The following FAF1 variants were observed in gnomAD, a reference collection of about 807,000 sequenced individuals.
FAF1 encodes the protein Fas associated factor 1, also known as FAS-associated factor 1.
Under a neutral mutation model 92.5 loss-of-function variants are expected in FAF1, and 25 were observed. The ratio of observed to expected loss-of-function variants is 0.27; its 90% CI spans 0.20 to 0.38. The LOEUF is 0.38. Ranked by LOEUF, FAF1 falls within the 10% of genes least tolerant of loss-of-function variation. FAF1 has a pLI of 1.00. For synonymous variants in FAF1, 234 were observed against 273.2 expected, an observed-to-expected ratio of 0.86 and a Z score of 1.42; for missense variants, 636 against 793.3, an observed-to-expected ratio of 0.80 and a Z score of 2.38.
intron 7 of FAF1, among the ~76,000 whole-genome samples, chr1:50,656,060 G>A (rs1347952421): frequency 2.0e-5 from 3 of 152,034 alleles, no homozygotes; most frequent in South Asian, 2.1e-4. Flanking sequence ...GGCCGGGGAC[G>A]GTGGCTCACA....
At chr1:50,607,246 G>A (rs140872808) in intron 8 of FAF1, among the ~76,000 whole-genome samples, 8 of 152,206 alleles carry the variant, frequency 5.3e-5, no homozygotes, top group Non-Finnish European at 8.8e-5. Flanking sequence ...TATGATTCCA[G>A]GTGTGTAAAT....
chr1:50,893,976 C>T (rs766692746), intron 1 of FAF1, among the ~76,000 whole-genome samples: 1 of 152,142 alleles, frequency 6.6e-6, no homozygotes, highest in Non-Finnish European at 1.5e-5. Context: ...GTAACCACCA[C>T]CACAGACCCA....
chr1:50,718,743 T>C (rs1569828724), intron 6 of FAF1, among the ~76,000 whole-genome samples: 1 of 152,252 alleles, frequency 6.6e-6, no homozygotes, highest in Non-Finnish European at 1.5e-5. Flanking sequence ...ATTAATACTT[T>C]ACCATTTATA....
At chr1:50,477,936 G>A (rs1646657961) in intron 17 of FAF1, among the ~76,000 whole-genome samples, 2 of 152,144 alleles carry the variant, frequency 1.3e-5, no homozygotes, top group Admixed American at 1.3e-4. Flanking sequence ...ATAAATGCTA[G>A]AAGAATATGA....
intron 4 of FAF1, among the ~76,000 whole-genome samples, chr1:50,755,501 C>T (rs938910942): frequency 6.6e-6 from 1 of 152,180 alleles, no homozygotes; most frequent in African/African-American, 2.4e-5. Flanking sequence ...GTGTCTGTGG[C>T]TTTTCCAGGT....
intron 8 of FAF1, among the ~76,000 whole-genome samples, chr1:50,624,448 A>G (rs966605184): frequency 6.6e-6 from 1 of 152,112 alleles, no homozygotes; most frequent in Non-Finnish European, 1.5e-5. Flanking sequence ...CGCCCGGCCA[A>G]CTTTCAAACT....
intron 7 of FAF1, among the ~76,000 whole-genome samples, chr1:50,694,500 T>C (rs891149942): frequency 2.6e-5 from 4 of 151,364 alleles, no homozygotes; most frequent in Admixed American, 1.3e-4. Context: ...ATTTTCTTTA[T>C]AAGTTTTCCT....
At chr1:50,530,567 T>C (rs1264154214) in intron 15 of FAF1, among the ~76,000 whole-genome samples, 2 of 152,036 alleles carry the variant, frequency 1.3e-5, no homozygotes, top group African/African-American at 2.4e-5. Flanking sequence ...AGCCTACTAT[T>C]TGATAGCACA....
At chr1:50,481,286 A>G (rs1646701242) in intron 17 of FAF1, among the ~76,000 whole-genome samples, 1 of 152,224 alleles carries the variant, frequency 6.6e-6, no homozygotes, top group African/African-American at 2.4e-5. Context: ...ATATTCACTC[A>G]CCACTTGCTC....
intron 15 of FAF1, among the ~76,000 whole-genome samples, chr1:50,527,209 T>C (rs769066488): frequency 7.2e-5 from 11 of 152,172 alleles, no homozygotes; most frequent in South Asian, 2.1e-4. Context: ...TGGTACCTCA[T>C]GCGGCTTTGA....
At chr1:50,504,830 T>C (rs1371160507) in intron 15 of FAF1, among the ~76,000 whole-genome samples, 1 of 152,196 alleles carries the variant, frequency 6.6e-6, no homozygotes, top group Non-Finnish European at 1.5e-5. Flanking sequence ...ACTTAGAACC[T>C]TGTTAACCAA....
At chr1:50,906,283 T>C (rs942131168) in intron 1 of FAF1, among the ~76,000 whole-genome samples, 1 of 152,112 alleles carries the variant, frequency 6.6e-6, no homozygotes, top group Non-Finnish European at 1.5e-5. Context: ...TTATTGTAGC[T>C]TTGTAGTATA....
chr1:50,552,665 T>G (rs1649367906), intron 13 of FAF1, among the ~76,000 whole-genome samples: 1 of 152,198 alleles, frequency 6.6e-6, no homozygotes, highest in Non-Finnish European at 1.5e-5. Flanking sequence ...TCATCAGACC[T>G]TTCTGAAGGA....
chr1:50,825,644 T>C (rs1644089883), intron 2 of FAF1, among the ~76,000 whole-genome samples: 1 of 151,990 alleles, frequency 6.6e-6, no homozygotes, highest in Admixed American at 6.5e-5. Flanking sequence ...TACTAAAGAA[T>C]ATAGAATACC....
intron 1 of FAF1, among the ~76,000 whole-genome samples, chr1:50,924,479 A>G (rs953275428): frequency 6.6e-6 from 1 of 152,356 alleles, no homozygotes; most frequent in South Asian, 2.1e-4. Flanking sequence ...TAAAATGACC[A>G]TACTACCCAA....
chr1:50,783,160 G>A (rs1056240687), intron 4 of FAF1, among the ~76,000 whole-genome samples: 1 of 152,074 alleles, frequency 6.6e-6, no homozygotes, highest in African/African-American at 2.4e-5. Context: ...AGACTGAATC[G>A]TGAAGAAACA....
intron 12 of FAF1, among the ~76,000 whole-genome samples, chr1:50,580,918 T>C (rs934700675): frequency 2.6e-5 from 4 of 152,092 alleles, no homozygotes; most frequent in East Asian, 1.9e-4. Flanking sequence ...ACTAGAGGCA[T>C]GCATCACCAG....
chr1:50,889,301 T>A (rs1459583431), intron 1 of FAF1, among the ~76,000 whole-genome samples: 6 of 152,208 alleles, frequency 3.9e-5, no homozygotes, highest in African/African-American at 1.4e-4. Context: ...TTTGCTGATC[T>A]TTTAAAAAAC....
chr1:50,802,581 G>A (rs1342374645), intron 2 of FAF1, among the ~76,000 whole-genome samples: 6 of 152,116 alleles, frequency 3.9e-5, no homozygotes, highest in Non-Finnish European at 8.8e-5. Flanking sequence ...ACATAGCACA[G>A]GTATGACAGG....
Sources: gnomAD v4.1 joint callset for allele counts (sites outside exome capture counted in the v4.1 genomes callset) on GRCh38, gnomAD v4.1.1 for gene constraint, MANE v1.5 for transcripts, NCBI Gene and HGNC (gene_info 2026-07-23, HGNC 2026-07-21) for gene names.